Variants in CFAP46 observed in about 807,000 individuals in gnomAD.
The protein encoded by CFAP46 is cilia and flagella associated protein 46.
In CFAP46, 245 loss-of-function variants were observed where a neutral mutation model predicts 325.7. That is an observed-to-expected ratio of 0.75 (90% CI 0.68 to 0.84). CFAP46 has a LOEUF of 0.84. Ranked by LOEUF, CFAP46 falls within the 40% of genes least tolerant of loss-of-function variation. The pLI is 0.00. For synonymous variants in CFAP46, 1,523 were observed against 1,495.9 expected (o/e 1.02, Z -0.42); for missense variants, 3,346 against 3,543.0 (o/e 0.94, Z 1.41).
At position 132,916,629 on chromosome 10, in the gene CFAP46, G is replaced by A; in HGVS notation, c.2040C>T (p.Ile680=). 1 of 1,540,252 alleles carries A rather than the reference G, an allele frequency of 6.5e-7. No individual in the cohort carries two copies. The highest frequency in any genetic ancestry group is 8.8e-7 in the Non-Finnish European group (1 of 1,142,354). Residue 680 remains isoleucine (I), a synonymous_variant, in exon 17 of 58, where the codon ATC becomes ATT. Coordinates refer to ENST00000368586, the MANE Select transcript of CFAP46 (RefSeq NM_001200049.3). ...SEGVELNDRA[I]PPEDLSQHPA... is the part of the protein sequence containing the mutation. ...GGTGCTGGCTCAGGTCTTCGGGGGGGATGGCCCGGTCATTCAGCTCTACAC... is the reference window on the plus strand; with the variant it reads ...GGTGCTGGCTCAGGTCTTCGGGGGGAATGGCCCGGTCATTCAGCTCTACAC...
intron 24 of CFAP46, among the ~76,000 whole-genome samples, chr10:132,895,561 C>G (rs1235408803): frequency 1.3e-5 from 2 of 151,858 alleles, no homozygotes; most frequent in Non-Finnish European, 2.9e-5. Flanking sequence ...TGATCCTATA[C>G]AGAGAAAATT....
intron 50 of CFAP46, 69 bp downstream of exon 50, chr10:132,833,289 C>T: frequency 1.4e-6 from 2 of 1,442,580 alleles, no homozygotes; most frequent in Non-Finnish European, 1.9e-6. Context: ...AACATTGTTT[C>T]ATCTGAAAAA....
chr10:132,937,361 C>T lies in CFAP46; in HGVS notation c.660+191G>A, dbSNP rs1481250378. 10 of 628,220 alleles carry T rather than the reference C, an allele frequency of 1.6e-5. No individual in the cohort carries two copies. In the African/African-American group the frequency reaches 1.9e-4, roughly 12 times the overall value. The allele number at this position is 628,220 out of a possible 1,614,324, so 38.9% of individuals were successfully genotyped here. On this transcript the variant is annotated intron_variant, in intron 6 of 57. Transcript: ENST00000368586. ...ACCCTGTTTTGTTTTCTAAATGTCA[C>T]AGTTCTATACATCTTTGCATTGGAT...
chr10:132,833,994 G>A (rs751892171), intron 49 of CFAP46, 47 bp downstream of exon 49: 2 of 1,575,662 alleles, frequency 1.3e-6, no homozygotes, highest in South Asian at 2.2e-5. Context: ...CACCTCTTCT[G>A]GCGGGATGAG....
Position 132,860,871 on chromosome 10 carries a change from G to C in CFAP46, c.5002C>G (p.Leu1668Val). Residue 1668 changes from leucine to valine, a missense_variant, in exon 36 of 58, where the codon CTG becomes GTG. Leu to Val is a conservative substitution (Grantham distance 32). Transcript: ENST00000368586. Reference sequence around the variant, plus strand: ...TACCAGAACTCCTCACTTCCGCCCAGGTGCTGGGCCTGTGCGATCATTTTC... The same window carrying C: ...TACCAGAACTCCTCACTTCCGCCCACGTGCTGGGCCTGTGCGATCATTTTC... Reference protein sequence around the residue: ...AKKMIAQAQHLGGSEEFWYNS... With the variant: ...AKKMIAQAQHVGGSEEFWYNS... The C allele has an allele frequency of 1.3e-6, 2 of 1,551,016 alleles. No individual in the cohort carries two copies.
chr10:132,894,579 A>C (rs923610160), intron 24 of CFAP46, among the ~76,000 whole-genome samples: 19 of 151,442 alleles, frequency 1.3e-4, no homozygotes, highest in African/African-American at 4.4e-4. Context: ...CCTTTAGCTA[A>C]CTGACAAAAA....
At chr10:132,824,718 T>TGC (rs1491562542) in intron 50 of CFAP46, among the ~76,000 whole-genome samples, 2 of 35,652 alleles carry the variant, frequency 5.6e-5, no homozygotes, top group African/African-American at 1.7e-4. Flanking sequence ...GCTGTGTGTG[T>TGC]ACTGATGTGT....
At chr10:132,818,115 T>G (rs981210422) in intron 50 of CFAP46, among the ~76,000 whole-genome samples, 1 of 152,168 alleles carries the variant, frequency 6.6e-6, no homozygotes, top group Non-Finnish European at 1.5e-5. Context: ...GGGCGGCCCG[T>G]GTCCTGCCAA....
intron 50 of CFAP46, among the ~76,000 whole-genome samples, chr10:132,822,014 ATG>A (rs1291167173): frequency 1.4e-5 from 1 of 74,052 alleles, no homozygotes; most frequent in Non-Finnish European, 2.6e-5. Context: ...GTGTGTGCTG[ATG>A]TGTGCTGTGT....
At chr10:132,929,639 C>T (rs139703112) in intron 9 of CFAP46, 66 bp downstream of exon 9, 32 of 1,459,804 alleles carry the variant, frequency 2.2e-5, no homozygotes, top group Middle Eastern at 1.7e-4. Flanking sequence ...CCTTTCTTTG[C>T]CTTTTGTCCA....
chr10:132,940,111 C>A (rs894375450), intron 4 of CFAP46, among the ~76,000 whole-genome samples: 2 of 152,112 alleles, frequency 1.3e-5, no homozygotes, highest in African/African-American at 4.8e-5. Context: ...GGGGCCTCCC[C>A]GTCCCTGTCC....
chr10:132,822,760 CTGA>C (rs1345999003), intron 50 of CFAP46, among the ~76,000 whole-genome samples: 2 of 115,880 alleles, frequency 1.7e-5, no homozygotes, highest in Non-Finnish European at 3.4e-5. Context: ...TGTGTGAGTG[CTGA>C]TGTGTGCTGT....
intron 50 of CFAP46, among the ~76,000 whole-genome samples, chr10:132,820,576 CGCTG>C (rs1847777435): frequency 7.4e-6 from 1 of 134,882 alleles, no homozygotes; most frequent in African/African-American, 2.9e-5. Flanking sequence ...GCTGTGTGTG[CGCTG>C]ATGTGTGCTG....
chr10:132,905,887 A>G (rs1292710312), intron 22 of CFAP46, among the ~76,000 whole-genome samples: 2 of 152,074 alleles, frequency 1.3e-5, no homozygotes. Context: ...CTGGGGACGC[A>G]CCCCCAGCCC....
Position 132,941,965 on chromosome 10 carries a change from C to A in CFAP46, c.174+15G>T. On this transcript the variant is annotated intron_variant, in intron 2 of 57. Transcript: ENST00000368586. ...GTCAAAGCTGCCCTGACCGAGGATCCCGGGAACTAGTTACCTTCAGGGCCT... is the reference window on the plus strand; with the variant it reads ...GTCAAAGCTGCCCTGACCGAGGATCACGGGAACTAGTTACCTTCAGGGCCT... 1 of 1,551,460 alleles carries A rather than the reference C, an allele frequency of 6.4e-7. No individual in the cohort carries two copies. Among genetic ancestry groups the A allele is most frequent in the Non-Finnish European group, 8.7e-7 (1 of 1,146,882 alleles).
At chr10:132,909,333 T>C in intron 20 of CFAP46, 89 bp from the exon 21 acceptor site, 1 of 920,136 alleles carries the variant, frequency 1.1e-6, no homozygotes, top group Non-Finnish European at 1.7e-6. Flanking sequence ...AGGTATTAGT[T>C]TTATGGCAAT....
rs1038966253 is a variant in CFAP46, at chr10:132,884,921, C to T, written c.3627+182G>A. 2.6e-5 allele frequency among the ~76,000 whole-genome samples: 4 copies of T among 152,216 alleles called. No individual in the cohort carries two copies. Among genetic ancestry groups the T allele is most frequent in the Non-Finnish European group, 4.4e-5 (3 of 68,042 alleles). ...GACCACTGAAACCAGCTCCATCCCTCGTCCCTGACTGGTCAGCAAGAGGAG... is the reference window on the plus strand; with the variant it reads ...GACCACTGAAACCAGCTCCATCCCTTGTCCCTGACTGGTCAGCAAGAGGAG... On this transcript the variant is annotated intron_variant, in intron 27 of 57. Coordinates refer to ENST00000368586, the MANE Select transcript of CFAP46 (RefSeq NM_001200049.3). The surrounding 1 kb of genome is among the most constrained non-coding windows in gnomAD (Gnocchi z 5.4).
Position 132,808,572 on chromosome 10 carries a change from G to C in CFAP46, c.7997C>G (p.Ser2666Cys). The stretch of plus-strand genomic sequence containing the variant: ...ACCCCATGGCGCACACAGGCAGGCA[G>C]AGCTCGAGGTCCAGGCGGCTGCCTT... ...SRKAAAWTSS[S>C]ACLCAPWGLR... Residue 2666 changes from serine to cysteine, a missense_variant, in exon 58 of 58, where the codon TCT becomes TGT. Transcript: ENST00000368586. The surrounding 1 kb of genome is among the most constrained non-coding windows in gnomAD (Gnocchi z 6.8). 6.2e-7 allele frequency: 1 copy of C among 1,612,884 alleles called. No individual in the cohort carries two copies. The highest frequency in any genetic ancestry group is 8.5e-7 in the Non-Finnish European group (1 of 1,179,894).
chr10:132,865,236 T>G (rs1323159073), intron 35 of CFAP46, among the ~76,000 whole-genome samples: 2 of 152,184 alleles, frequency 1.3e-5, no homozygotes, highest in African/African-American at 4.8e-5. Context: ...GCAACTACAC[T>G]CTGCACAGAG....
Sources: gnomAD v4.1 joint callset for allele counts (sites outside exome capture counted in the v4.1 genomes callset) on GRCh38, gnomAD v4.1.1 for gene constraint, Gnocchi (gnomAD v3.1) non-coding constraint, MANE v1.5 for transcripts, NCBI Gene and HGNC (gene_info 2026-07-23, HGNC 2026-07-21) for gene names.